LYPD6B: variants seen among roughly 807,000 people sequenced by gnomAD.
LYPD6B encodes the protein ly6/PLAUR domain-containing protein 6B.
A neutral mutation model predicts 22.8 loss-of-function variants in LYPD6B; 17 were observed. The observed-to-expected ratio is 0.75, with a 90% CI of 0.51 to 1.12. The LOEUF (loss-of-function observed/expected upper bound fraction) is 1.12. Ranked by LOEUF, LYPD6B falls within the 50% of genes most tolerant of loss-of-function variation. The probability of loss-of-function intolerance (pLI) is 0.00; values close to 1 mark genes in which losing one functional copy is unlikely to be tolerated. For synonymous variants in LYPD6B, 106 were observed against 91.6 expected (o/e 1.16, Z -0.90); for missense variants, 221 against 258.3 (o/e 0.86, Z 0.99).
chr2:149,178,772 C>A (rs1691502625), intron 3 of LYPD6B, among the ~76,000 whole-genome samples: 1 of 152,144 alleles, frequency 6.6e-6, no homozygotes, highest in South Asian at 2.1e-4. Flanking sequence ...AATGATGCAT[C>A]CCTGTACTTA....
intron 3 of LYPD6B, among the ~76,000 whole-genome samples, chr2:149,163,097 T>G (rs1030867421): frequency 2.0e-5 from 3 of 152,188 alleles, no homozygotes; most frequent in Non-Finnish European, 4.4e-5. Context: ...TTCAGCTCTG[T>G]GCCAAAACTA....
At chr2:149,065,437 G>T (rs1278514485) in intron 1 of LYPD6B, among the ~76,000 whole-genome samples, 1 of 152,222 alleles carries the variant, frequency 6.6e-6, no homozygotes, top group Non-Finnish European at 1.5e-5. Context: ...TGATCAGAGA[G>T]AAATGAATCT....
intron 2 of LYPD6B, among the ~76,000 whole-genome samples, chr2:149,151,184 C>T (rs993876222): frequency 1.3e-5 from 2 of 152,094 alleles, no homozygotes; most frequent in Admixed American, 6.6e-5. Context: ...GGGTGGGGCT[C>T]TCCTGTAGGC....
intron 3 of LYPD6B, among the ~76,000 whole-genome samples, chr2:149,183,121 G>T (rs1480070065): frequency 6.6e-6 from 1 of 152,154 alleles, no homozygotes; most frequent in Non-Finnish European, 1.5e-5. Flanking sequence ...AGGATAAGTT[G>T]GTGATCAGTA....
At chr2:149,089,744 G>T (rs1337972848) in intron 1 of LYPD6B, among the ~76,000 whole-genome samples, 1 of 152,152 alleles carries the variant, frequency 6.6e-6, no homozygotes, top group African/African-American at 2.4e-5. Context: ...TTTAATTGTT[G>T]CTGTGCAGTC....
chr2:149,160,524 C>T (rs1256684410), intron 2 of LYPD6B: 7 of 621,082 alleles, frequency 1.1e-5, no homozygotes, highest in South Asian at 7.6e-5. Flanking sequence ...TTAGATGGGG[C>T]CCAGGTGTGT....
intron 1 of LYPD6B, among the ~76,000 whole-genome samples, chr2:149,056,277 G>T (rs1683786248): frequency 6.6e-6 from 1 of 152,162 alleles, no homozygotes. Context: ...CAGGTACTGT[G>T]CTGGGATCCC....
intron 3 of LYPD6B, chr2:149,204,558 C>T (rs1038348023): frequency 6.5e-6 from 1 of 154,354 alleles, no homozygotes; most frequent in Non-Finnish European, 1.5e-5. Flanking sequence ...CCAGGACTAA[C>T]ATTATATGGT....
intron 3 of LYPD6B, among the ~76,000 whole-genome samples, chr2:149,193,097 A>AT (rs1692599190): frequency 6.6e-6 from 1 of 152,234 alleles, no homozygotes; most frequent in Admixed American, 6.5e-5. Flanking sequence ...TGGGCTCCAC[A>AT]TCCCATACAC....
chr2:149,187,485 C>A, intron 3 of LYPD6B: 1 of 1,512,630 alleles, frequency 6.6e-7, no homozygotes, highest in Non-Finnish European at 8.8e-7. Context: ...AAAGGAAATG[C>A]AGAAGAGATA....
chr2:149,138,510 C>T (rs894837470), intron 2 of LYPD6B, among the ~76,000 whole-genome samples: 2 of 152,202 alleles, frequency 1.3e-5, no homozygotes, highest in East Asian at 3.8e-4. Flanking sequence ...GAAAAGAGCA[C>T]TGGCCTTTTG....
At chr2:149,117,413 G>A (rs74714726) in intron 1 of LYPD6B, among the ~76,000 whole-genome samples, 6,343 of 152,024 alleles carry the variant, frequency 0.042, 454 homozygotes, top group East Asian at 0.3. Context: ...TGGGGCTACA[G>A]GCGAGCACCA....
chr2:149,164,607 A>G (rs1690301240), intron 3 of LYPD6B, among the ~76,000 whole-genome samples: 1 of 152,214 alleles, frequency 6.6e-6, no homozygotes, highest in South Asian at 2.1e-4. Flanking sequence ...AGGAACAAAC[A>G]AAATCCTGTA....
chr2:149,116,924 T>A (rs942741135), intron 1 of LYPD6B, among the ~76,000 whole-genome samples: 1 of 152,268 alleles, frequency 6.6e-6, no homozygotes, highest in East Asian at 1.9e-4. Context: ...AAGCTTCTAG[T>A]TTCCCCCCTA....
intron 1 of LYPD6B, among the ~76,000 whole-genome samples, chr2:149,115,379 T>C (rs943751407): frequency 5.3e-5 from 8 of 152,172 alleles, no homozygotes; most frequent in African/African-American, 1.9e-4. Context: ...AAATGGATAA[T>C]TAGATGTCAG....
intron 1 of LYPD6B, among the ~76,000 whole-genome samples, chr2:149,076,123 G>T (rs1454140810): frequency 6.6e-6 from 1 of 152,116 alleles, no homozygotes; most frequent in Non-Finnish European, 1.5e-5. Flanking sequence ...TTGAATATCG[G>T]AAAGTGAAAC....
chr2:149,189,359 TATATATATACAC>T lies in LYPD6B; in HGVS notation c.78-15892_78-15881del, dbSNP rs1445949151. Among the ~76,000 whole-genome samples, 230 of 86,714 alleles carry T rather than the reference TATATATATACAC, an allele frequency of 2.7e-3. 4 individuals are homozygous for T. The highest frequency in any genetic ancestry group is 7.5e-3 in the African/African-American group (212 of 28,134). 56.9% of individuals were successfully genotyped at this position (86,714 alleles called of 152,430 possible). On this transcript the variant is annotated intron_variant, in intron 3 of 6. Transcript: ENST00000409642. ...GTCCAAAATTATATATATATATATA[TATATATATACAC>T]ACACATATGTATATATGTATATATC...
In LYPD6B at chr2:149,206,261, C is replaced by T. The variant is rs138531106; in HGVS notation, c.229+857C>T. 5.1e-4 allele frequency: 129 copies of T among 252,728 alleles called. 1 individual carries two copies. Among genetic ancestry groups the T allele is most frequent in the African/African-American group, 2.6e-3 (119 of 45,088 alleles). 15.7% of individuals were successfully genotyped at this position (252,728 alleles called of 1,614,324 possible). ...TCTTTTTTAAGAAGCTCTTCTGATA[C>T]GGTTGATACATGGTCAGGTGTGAGA... is the stretch of plus-strand genomic sequence containing the variant. On this transcript the variant is annotated intron_variant, in intron 4 of 6. Coordinates refer to ENST00000409642, the MANE Select transcript of LYPD6B (RefSeq NM_177964.5).
intron 1 of LYPD6B, among the ~76,000 whole-genome samples, chr2:149,074,596 A>G (rs78191575): frequency 0.11 from 16,338 of 152,228 alleles, 1,313 homozygotes; most frequent in Non-Finnish European, 0.15. Context: ...CTCAGAGAAG[A>G]GTAATTGGGG....
Sources: gnomAD v4.1 joint callset for allele counts (sites outside exome capture counted in the v4.1 genomes callset) on GRCh38, gnomAD v4.1.1 for gene constraint, MANE v1.5 for transcripts, NCBI Gene and HGNC (gene_info 2026-07-23, HGNC 2026-07-21) for gene names.